The following LPP variants were observed in gnomAD, a reference collection of about 807,000 sequenced individuals.
LPP encodes the protein LIM domain containing preferred translocation partner in lipoma.
A neutral mutation model predicts 60.4 loss-of-function variants in LPP; 38 were observed. The ratio of observed to expected loss-of-function variants is 0.63; its 90% CI spans 0.49 to 0.83. LPP has a LOEUF of 0.83. LPP is among the 40% of genes least tolerant of loss of function. The pLI is 0.00. For missense variants in LPP, 902 were observed against 783.6 expected, an observed-to-expected ratio of 1.15 and a Z score of -1.80; for synonymous variants, 328 against 290.8, an observed-to-expected ratio of 1.13 and a Z score of -1.30.
intron 6 of LPP, among the ~76,000 whole-genome samples, chr3:188,603,373 A>G (rs1841817704): frequency 6.6e-6 from 1 of 151,218 alleles, no homozygotes; most frequent in Non-Finnish European, 1.5e-5. Context: ...TAACATGTCA[A>G]CTATTATATT....
intron 2 of LPP, among the ~76,000 whole-genome samples, chr3:188,330,771 G>A (rs572231002): frequency 3.0e-4 from 46 of 152,224 alleles, no homozygotes; most frequent in African/African-American, 4.3e-4. Context: ...AGCCGAGATC[G>A]TGCTATTACA....
At chr3:188,582,154 C>CT (rs10565240) in intron 6 of LPP, among the ~76,000 whole-genome samples, 1,975 of 102,162 alleles carry the variant, frequency 0.019, 65 homozygotes, top group African/African-American at 0.038. Flanking sequence ...TTTTCTTTTT[C>CT]TTTTTTTTTT....
chr3:188,405,427 A>G (rs1783226525), intron 3 of LPP, among the ~76,000 whole-genome samples: 1 of 152,040 alleles, frequency 6.6e-6, no homozygotes, highest in Non-Finnish European at 1.5e-5. Flanking sequence ...TTTGCTTGCT[A>G]CTTTCTGTTA....
At chr3:188,592,557 G>GTTTGTTTTTTTTTTTTTTTT (rs1260656926) in intron 6 of LPP, among the ~76,000 whole-genome samples, 35 of 85,736 alleles carry the variant, frequency 4.1e-4, no homozygotes, top group African/African-American at 1.1e-3. Flanking sequence ...TTTTGTTTTT[G>GTTTGTTTTTTTTTTTTTTTT]TTTTTTAAAT....
At position 188,284,880 on chromosome 3, in the gene LPP, G is replaced by T. The variant is rs146411495; in HGVS notation, c.-66-56783G>T. Among the ~76,000 whole-genome samples the T allele has an allele frequency of 2.4e-4, 37 of 152,308 alleles. No individual in the cohort carries two copies. In the East Asian group the frequency reaches 6.2e-3, roughly 25 times the overall value. ...ACTGTTTGATAGCATCACCTCCTCT[G>T]CTTTCCCAGAAATTATTCCTCGAAG... On this transcript the variant is annotated intron_variant, in intron 2 of 11. Coordinates refer to ENST00000617246, the MANE Select transcript of LPP (RefSeq NM_001375462.1).
At chr3:188,248,022 A>G (rs546716259) in intron 2 of LPP, among the ~76,000 whole-genome samples, 1 of 152,198 alleles carries the variant, frequency 6.6e-6, no homozygotes, top group South Asian at 2.1e-4. Context: ...GCTCAGTTAC[A>G]TTTTAAAGCT....
At chr3:188,270,189 A>G (rs1401583077) in intron 2 of LPP, among the ~76,000 whole-genome samples, 3 of 152,034 alleles carry the variant, frequency 2.0e-5, no homozygotes, top group African/African-American at 7.2e-5. Context: ...CTTTGATAGG[A>G]GCACGGATTA....
chr3:188,592,563 T>TTTTGG lies in LPP; in HGVS notation c.430-16598_430-16597insTTTGG. Among the ~76,000 whole-genome samples, 9 of 77,252 alleles carry TTTTGG rather than the reference T, an allele frequency of 1.2e-4. 2 individuals carry two copies. Among genetic ancestry groups the TTTTGG allele is most frequent in the South Asian group, 1.2e-3 (2 of 1,662 alleles). The allele number at this position is 77,252 out of a possible 152,430, so 50.7% of individuals were successfully genotyped here. On this transcript the variant is annotated intron_variant, in intron 6 of 11. Transcript: ENST00000617246. ...TGTTTTTAGTTTTGTTTTTGTTTTT[T>TTTTGG]AAATGGAGTCTCACTCTTTCTCCCA... is the stretch of plus-strand genomic sequence containing the variant.
chr3:188,366,319 A>G (rs772763538), intron 3 of LPP, among the ~76,000 whole-genome samples: 2 of 152,144 alleles, frequency 1.3e-5, no homozygotes, highest in East Asian at 1.9e-4. Flanking sequence ...CATCCTGGCT[A>G]TTGTGAATAA....
intron 8 of LPP, among the ~76,000 whole-genome samples, chr3:188,742,494 GA>G (rs1321969904): frequency 6.6e-5 from 10 of 151,898 alleles, no homozygotes; most frequent in Admixed American, 5.3e-4. Context: ...ACAAATACAT[GA>G]AAAAAATCTT....
chr3:188,586,208 G>A (rs1837402779), intron 6 of LPP, among the ~76,000 whole-genome samples: 1 of 152,098 alleles, frequency 6.6e-6, no homozygotes, highest in Admixed American at 6.5e-5. Flanking sequence ...GTGTTTTTCA[G>A]GTGGAAACAT....
At chr3:188,807,765 T>C (rs1006270047) in intron 9 of LPP, among the ~76,000 whole-genome samples, 2 of 152,208 alleles carry the variant, frequency 1.3e-5, no homozygotes, top group Non-Finnish European at 2.9e-5. Flanking sequence ...GCAAATTTTC[T>C]TCCTTTTTCA....
At chr3:188,394,766 C>A (rs1464510) in intron 3 of LPP, among the ~76,000 whole-genome samples, 61,935 of 151,940 alleles carry the variant, frequency 0.41, 13,650 homozygotes, top group East Asian at 0.61. Flanking sequence ...TGATTTGAAA[C>A]AGCCTGGTTC....
intron 4 of LPP, among the ~76,000 whole-genome samples, chr3:188,480,274 T>A (rs1804405422): frequency 6.6e-6 from 1 of 152,202 alleles, no homozygotes; most frequent in Non-Finnish European, 1.5e-5. Flanking sequence ...ACTTGATTTG[T>A]CCAACTCCTC....
chr3:188,599,514 A>G (rs957718753), intron 6 of LPP, among the ~76,000 whole-genome samples: 4 of 152,114 alleles, frequency 2.6e-5, no homozygotes, highest in South Asian at 2.1e-4. Flanking sequence ...TCACAGTGTC[A>G]TATACCCTAT....
At chr3:188,633,532 C>G (rs532211419) in intron 7 of LPP, among the ~76,000 whole-genome samples, 1 of 152,140 alleles carries the variant, frequency 6.6e-6, no homozygotes, top group African/African-American at 2.4e-5. Context: ...AAACCTGGTC[C>G]TCTGTCTACA....
chr3:188,335,531 G>A (rs1761403241), intron 2 of LPP, among the ~76,000 whole-genome samples: 1 of 152,106 alleles, frequency 6.6e-6, no homozygotes, highest in Admixed American at 6.5e-5. Flanking sequence ...TTTGGTATGA[G>A]GGTAAGAATG....
At chr3:188,389,455 T>A (rs933209087) in intron 3 of LPP, among the ~76,000 whole-genome samples, 1 of 152,166 alleles carries the variant, frequency 6.6e-6, no homozygotes, top group Admixed American at 6.5e-5. Context: ...GTGCTTGACC[T>A]CCTGCTTAGT....
chr3:188,805,241 T>C (rs142571651), intron 9 of LPP, among the ~76,000 whole-genome samples: 118 of 152,216 alleles, frequency 7.8e-4, no homozygotes, highest in African/African-American at 2.7e-3. Context: ...TCCTCTCTTA[T>C]ATTCTGGAAG....
Sources: allele counts gnomAD v4.1 joint callset (sites outside exome capture counted in the v4.1 genomes callset), GRCh38; gene constraint gnomAD v4.1.1; transcripts MANE v1.5; gene names NCBI Gene and HGNC (gene_info 2026-07-23, HGNC 2026-07-21).